Variants in NTPCR observed in about 807,000 individuals in gnomAD.
NTPCR encodes cancer-related nucleoside-triphosphatase.
NTPCR carries 15 observed loss-of-function variants against 19.5 expected under a neutral mutation model. The observed-to-expected ratio is 0.77, with a 90% CI of 0.51 to 1.18. NTPCR has a LOEUF of 1.18. Among genes scored for constraint, NTPCR ranks in the 50% most tolerant of loss-of-function variants. NTPCR has a pLI of 0.00. For missense variants in NTPCR, 206 were observed against 240.4 expected, an observed-to-expected ratio of 0.86 and a Z score of 0.95; for synonymous variants, 90 against 95.8, an observed-to-expected ratio of 0.94 and a Z score of 0.36.
At chr1:232,961,144 G>A (rs1668658747) in intron 3 of NTPCR, among the ~76,000 whole-genome samples, 2 of 152,236 alleles carry the variant, frequency 1.3e-5, no homozygotes, top group East Asian at 1.9e-4. Flanking sequence ...TTCATGGTAT[G>A]AGTTTTCATC....
At chr1:232,960,088 G>A (rs1162766227) in intron 3 of NTPCR, among the ~76,000 whole-genome samples, 1 of 151,588 alleles carries the variant, frequency 6.6e-6, no homozygotes, top group Non-Finnish European at 1.5e-5. Flanking sequence ...GGTGGCACAT[G>A]CCCGTGTCCC....
intron 4 of NTPCR, among the ~76,000 whole-genome samples, chr1:232,975,718 G>C (rs934114870): frequency 3.3e-5 from 5 of 152,156 alleles, no homozygotes; most frequent in Admixed American, 1.3e-4. Context: ...AGGTGCAAGG[G>C]TTCAGGTTCA....
At chr1:232,956,292 A>C (rs959199032) in intron 2 of NTPCR, 55 bp from the exon 3 acceptor site, 36 of 1,309,702 alleles carry the variant, frequency 2.7e-5, no homozygotes, top group African/African-American at 2.2e-4. Flanking sequence ...GCAGCTAAAA[A>C]CCAGAAATCA....
At chr1:232,969,756 A>G in intron 3 of NTPCR, 153 bp from the exon 4 acceptor site, 4 of 611,778 alleles carry the variant, frequency 6.5e-6, no homozygotes, top group Non-Finnish European at 1.2e-5. Flanking sequence ...ACACAGTACC[A>G]GCGGTGGTCT....
intron 4 of NTPCR, among the ~76,000 whole-genome samples, chr1:232,974,077 A>T (rs895432249): frequency 1.3e-5 from 2 of 152,240 alleles, no homozygotes; most frequent in African/African-American, 4.8e-5. Flanking sequence ...CCCCAAGAGG[A>T]TAAACTCAAA....
At chr1:232,962,747 A>G (rs1174587425) in intron 3 of NTPCR, 1 of 152,218 alleles carries the variant, frequency 6.6e-6, no homozygotes, top group Non-Finnish European at 1.5e-5. Context: ...CATAGTTTGA[A>G]CCTTGTATTT....
intron 1 of NTPCR, among the ~76,000 whole-genome samples, chr1:232,952,375 A>ATT (rs762607736): frequency 7.8e-5 from 11 of 141,774 alleles, no homozygotes; most frequent in East Asian, 2.1e-4. Context: ...ACACCCGGGT[A>ATT]TTTTTTTTTT....
rs201024448 is a variant in NTPCR at position 232,956,355 on chromosome 1, C to G, written c.206C>G (p.Pro69Arg). 1.5e-5 allele frequency: 25 copies of G among 1,613,036 alleles called. No individual in the cohort carries two copies. Among genetic ancestry groups the G allele is most frequent in the Non-Finnish European group, 2.1e-5 (25 of 1,179,052 alleles). The stretch of plus-strand genomic sequence containing the variant: ...AATGTCTTTTCCTTCAGGTTAGAGC[C>G]TCCACCTGGAAAACGTGAATGCCGA... ...RGPLSRVGLE[P>R]PPGKRECRVG... Residue 69 changes from proline (P) to arginine (R), a missense_variant, in exon 3 of 5, where the codon CCT becomes CGT. By Grantham distance (103) the Pro-to-Arg change is moderately radical. Coordinates refer to ENST00000366628, the MANE Select transcript of NTPCR (RefSeq NM_032324.3).
At chr1:232,961,661 G>A (rs534246192) in intron 3 of NTPCR, among the ~76,000 whole-genome samples, 1 of 152,230 alleles carries the variant, frequency 6.6e-6, no homozygotes, top group East Asian at 1.9e-4. Context: ...GTAGAGAAAA[G>A]TCTGTCCCTA....
Position 232,979,119 on chromosome 1 carries a change from A to G in NTPCR, c.*888A>G, listed in dbSNP as rs1218786300. 1 of 152,192 alleles carries G rather than the reference A, an allele frequency of 6.6e-6. No individual in the cohort carries two copies. Among genetic ancestry groups the G allele is most frequent in the Non-Finnish European group, 1.5e-5 (1 of 68,042 alleles). The allele number at this position is 152,192 out of a possible 1,614,324, so 9.4% of individuals were successfully genotyped here. A position where few individuals can be genotyped will look rare whatever the true frequency, so the allele number is the denominator to read the frequency against. On this transcript the variant is annotated 3_prime_UTR_variant, in exon 5 of 5. Transcript: ENST00000366628. This position sits in a 1 kb window ranked among gnomAD's most constrained non-coding sequence, Gnocchi z 5.3. ...AGCAATGCGGAGTTCAGCCCATAAC[A>G]GGGGTACTATAAAAATGAAGTAGGA... is the stretch of plus-strand genomic sequence containing the variant.
At chr1:232,953,032 C>A (rs1275891308) in intron 1 of NTPCR, among the ~76,000 whole-genome samples, 1 of 152,168 alleles carries the variant, frequency 6.6e-6, no homozygotes, top group East Asian at 1.9e-4. Flanking sequence ...TACTTTCTCA[C>A]TCCTCAGACA....
chr1:232,955,502 A>G, intron 1 of NTPCR, 55 bp from the exon 2 acceptor site: 1 of 1,439,924 alleles, frequency 6.9e-7, no homozygotes, highest in Non-Finnish European at 9.2e-7. Context: ...TGCTCTAGTA[A>G]GGGAATGTTT....
At chr1:232,960,044 C>A (rs1413084382) in intron 3 of NTPCR, among the ~76,000 whole-genome samples, 1 of 151,536 alleles carries the variant, frequency 6.6e-6, no homozygotes, top group Non-Finnish European at 1.5e-5. Context: ...AACCCAGTAT[C>A]TACTAAAAAC....
chr1:232,976,601 C>A, intron 4 of NTPCR: 1 of 1,431,562 alleles, frequency 7.0e-7, no homozygotes. Context: ...TTGGAGCTGT[C>A]CCATGAAGCC....
At chr1:232,959,102 C>G (rs1257237897) in intron 3 of NTPCR, among the ~76,000 whole-genome samples, 1 of 152,106 alleles carries the variant, frequency 6.6e-6, no homozygotes, top group Admixed American at 6.5e-5. Flanking sequence ...TGATTTGGCT[C>G]TGTGTCCCCA....
intron 4 of NTPCR, among the ~76,000 whole-genome samples, chr1:232,974,181 A>G (rs568559127): frequency 6.6e-6 from 1 of 152,250 alleles, no homozygotes; most frequent in Non-Finnish European, 1.5e-5. Flanking sequence ...GGTAAAAACA[A>G]TATGAGTGAC....
chr1:232,955,610 G>A lies in NTPCR; in HGVS notation c.88G>A (p.Gly30Ser), dbSNP rs1668489427. Residue 30 changes from glycine to serine, a missense_variant, in exon 2 of 5, where the codon GGT (glycine) becomes AGT (serine). Coordinates refer to ENST00000366628, the MANE Select transcript of NTPCR (RefSeq NM_032324.3). ...HKASEVLKSS[G>S]VPVDGFYTEE... The stretch of plus-strand genomic sequence containing the variant: ...AGCCAGTGAGGTTTTAAAATCCTCT[G>A]GTGTGCCTGTTGATGGATTTTATAC... 6.2e-7 allele frequency: 1 copy of A among 1,611,906 alleles called. No individual in the cohort carries two copies. Among genetic ancestry groups the A allele is most frequent in the East Asian group, 2.2e-5 (1 of 44,820 alleles).
intron 3 of NTPCR, among the ~76,000 whole-genome samples, chr1:232,958,537 A>T (rs72759978): frequency 0.034 from 5,207 of 152,246 alleles, 140 homozygotes; most frequent in Middle Eastern, 0.071. Context: ...GTGGTATCTT[A>T]TGGTCTGTTT....
In NTPCR at chr1:232,955,627, A is replaced by AT. The variant is rs1193145933; in HGVS notation, c.109dup (p.Tyr37LeufsTer39). 1.2e-5 allele frequency: 20 copies of AT among 1,610,938 alleles called. No homozygotes were observed. The highest frequency in any genetic ancestry group is 1.6e-5 in the Non-Finnish European group (19 of 1,179,636). ...AATCCTCTGGTGTGCCTGTTGATGGATTTTATACCGAAGAAGTCAGACAGG... is the reference window on the plus strand; with the variant it reads ...AATCCTCTGGTGTGCCTGTTGATGGATTTTTATACCGAAGAAGTCAGACAGG... On this transcript the variant is annotated frameshift_variant, in exon 2 of 5. Coordinates refer to ENST00000366628, the MANE Select transcript of NTPCR (RefSeq NM_032324.3). LOFTEE classifies it high-confidence loss of function.
Sources: gnomAD v4.1 joint callset for allele counts (sites outside exome capture counted in the v4.1 genomes callset) on GRCh38, gnomAD v4.1.1 for gene constraint, Gnocchi (gnomAD v3.1) non-coding constraint, MANE v1.5 for transcripts, NCBI Gene and HGNC (gene_info 2026-07-23, HGNC 2026-07-21) for gene names.